The following IMMP2L variants were observed in gnomAD, a reference collection of about 807,000 sequenced individuals.
The protein encoded by IMMP2L is inner mitochondrial membrane peptidase subunit 2.
A neutral mutation model predicts 19.3 loss-of-function variants in IMMP2L; 18 were observed. The ratio of observed to expected loss-of-function variants is 0.93; its 90% CI spans 0.64 to 1.38. IMMP2L has a LOEUF of 1.38. IMMP2L is among the 40% of genes most tolerant of loss of function. IMMP2L has a pLI of 0.00. For synonymous variants in IMMP2L, 76 were observed against 73.0 expected, an observed-to-expected ratio of 1.04 and a Z score of -0.21; for missense variants, 233 against 218.2, an observed-to-expected ratio of 1.07 and a Z score of -0.43.
intron 3 of IMMP2L, among the ~76,000 whole-genome samples, chr7:111,387,491 T>C (rs1043684475): frequency 1.3e-5 from 2 of 152,146 alleles, no homozygotes; most frequent in African/African-American, 4.8e-5. Flanking sequence ...CTTATCAAGC[T>C]GCCAAAAAAT....
In IMMP2L at chr7:110,995,601, C is replaced by A. The variant is rs914458896; in HGVS notation, c.240-32036G>T. ...AACAGTTGTTAAAATGTTTGGTACA[C>A]AGACTTTGTATTTCAGTTCTTTCTG... On this transcript the variant is annotated intron_variant, in intron 3 of 5. Coordinates refer to ENST00000405709, the MANE Select transcript of IMMP2L (RefSeq NM_032549.4). Among the ~76,000 whole-genome samples the A allele has an allele frequency of 1.4e-4, 21 of 152,114 alleles. 1 individual carries two copies. The highest frequency in any genetic ancestry group is 5.1e-4 in the African/African-American group (21 of 41,438).
chr7:111,402,603 C>G (rs1833525785), intron 3 of IMMP2L, among the ~76,000 whole-genome samples: 1 of 151,800 alleles, frequency 6.6e-6, no homozygotes, highest in Admixed American at 6.6e-5. Flanking sequence ...CCCAGCTACT[C>G]GAGAGGCTAA....
intron 3 of IMMP2L, among the ~76,000 whole-genome samples, chr7:111,345,769 C>A (rs1323385854): frequency 1.3e-5 from 2 of 152,114 alleles, no homozygotes; most frequent in Non-Finnish European, 2.9e-5. Context: ...ATCAGGCCTC[C>A]ACCAAAATAG....
At chr7:110,821,848 A>C (rs954817326) in intron 5 of IMMP2L, among the ~76,000 whole-genome samples, 1 of 152,100 alleles carries the variant, frequency 6.6e-6, no homozygotes, top group Non-Finnish European at 1.5e-5. Context: ...GCTTGAACCC[A>C]GTAGGTGGAG....
intron 3 of IMMP2L, among the ~76,000 whole-genome samples, chr7:111,242,523 T>A (rs879058984): frequency 6.6e-6 from 1 of 151,964 alleles, no homozygotes; most frequent in Admixed American, 6.6e-5. Flanking sequence ...GGGAAAAAAA[T>A]CCAATGAGCT....
At chr7:111,528,493 G>A (rs551905858) in intron 1 of IMMP2L, among the ~76,000 whole-genome samples, 1 of 152,138 alleles carries the variant, frequency 6.6e-6, no homozygotes, top group African/African-American at 2.4e-5. Flanking sequence ...TCAGAATCAA[G>A]TGAAACCATA....
rs186902546 is a variant in IMMP2L at position 111,164,619 on chromosome 7, G to A, written c.240-201054C>T. Among the ~76,000 whole-genome samples, 8 of 152,142 alleles carry A rather than the reference G, an allele frequency of 5.3e-5. No individual in the cohort carries two copies. In the East Asian group the frequency reaches 9.7e-4, roughly 18 times the overall value. On this transcript the variant is annotated intron_variant, in intron 3 of 5. Coordinates refer to ENST00000405709, the MANE Select transcript of IMMP2L (RefSeq NM_032549.4). ...CAACAGTACACAGTGACCTAATAAC[G>A]CTGAGGCCCAGAAAACTGGATCCAG...
At chr7:110,999,075 G>C (rs2129560853) in intron 3 of IMMP2L, among the ~76,000 whole-genome samples, 1 of 152,186 alleles carries the variant, frequency 6.6e-6, no homozygotes, top group African/African-American at 2.4e-5. Context: ...CAAAAACAAT[G>C]CTCCATCTTT....
At chr7:110,854,550 A>T (rs1005472592) in intron 5 of IMMP2L, among the ~76,000 whole-genome samples, 1 of 152,000 alleles carries the variant, frequency 6.6e-6, no homozygotes, top group African/African-American at 2.4e-5. Flanking sequence ...AACATTACTG[A>T]ATAACTCCAT....
chr7:110,794,649 A>G (rs1800738441), intron 5 of IMMP2L, among the ~76,000 whole-genome samples: 2 of 152,196 alleles, frequency 1.3e-5, no homozygotes, highest in East Asian at 1.9e-4. Context: ...TAGGGATTCT[A>G]CCACAGTATA....
Position 111,123,370 on chromosome 7 carries a change from A to G in IMMP2L, c.240-159805T>C. 6.2e-7 allele frequency: 1 copy of G among 1,613,858 alleles called. No individual in the cohort carries two copies. The highest frequency in any genetic ancestry group is 8.5e-7 in the Non-Finnish European group (1 of 1,179,920). ...GATTCTGATGATTGGGGAAAATCCA[A>G]TTATCAGAATCAAAGACATGAACTT... is the stretch of plus-strand genomic sequence containing the variant. On this transcript the variant is annotated intron_variant, in intron 3 of 5. Coordinates refer to ENST00000405709, the MANE Select transcript of IMMP2L (RefSeq NM_032549.4). The surrounding 1 kb of genome is among the most constrained non-coding windows in gnomAD (Gnocchi z 6.4).
At chr7:111,431,955 A>C (rs112125970) in intron 3 of IMMP2L, among the ~76,000 whole-genome samples, 3,231 of 151,928 alleles carry the variant, frequency 0.021, 203 homozygotes, top group African/African-American at 0.074. Context: ...ATTCTTTGGA[A>C]AACAAAAAGT....
chr7:111,313,545 C>T (rs1009928157), intron 3 of IMMP2L, among the ~76,000 whole-genome samples: 2 of 152,134 alleles, frequency 1.3e-5, no homozygotes, highest in Non-Finnish European at 2.9e-5. Flanking sequence ...CCAAATACTA[C>T]ACAAGCACTC....
chr7:110,971,238 T>C lies in IMMP2L; in HGVS notation c.240-7673A>G, dbSNP rs74708966. Among the ~76,000 whole-genome samples the C allele has an allele frequency of 4.3e-3, 652 of 152,218 alleles. 4 individuals carry two copies. The highest frequency in any genetic ancestry group is 0.015 in the African/African-American group (628 of 41,560). On this transcript the variant is annotated intron_variant, in intron 3 of 5. Transcript: ENST00000405709. ...CGCCAGTTTGCCATGATATCAGTGA[T>C]ATTGTAGGGTATGAGATGCCAAGCT...
intron 4 of IMMP2L, among the ~76,000 whole-genome samples, chr7:110,889,282 T>G (rs1810541004): frequency 6.6e-6 from 1 of 152,192 alleles, no homozygotes; most frequent in Non-Finnish European, 1.5e-5. Context: ...TAATATATAA[T>G]GAATCAATTA....
chr7:111,426,889 T>C (rs1224273584), intron 3 of IMMP2L, among the ~76,000 whole-genome samples: 1 of 151,210 alleles, frequency 6.6e-6, no homozygotes. Flanking sequence ...TAAAAAATAT[T>C]TACCCATATA....
intron 4 of IMMP2L, among the ~76,000 whole-genome samples, chr7:110,929,582 T>C (rs1382040244): frequency 6.6e-6 from 1 of 152,200 alleles, no homozygotes; most frequent in Non-Finnish European, 1.5e-5. Context: ...TTGCAGATAA[T>C]GTGCTTCACT....
chr7:111,122,502 A>G (rs922816440), intron 3 of IMMP2L: 1 of 358,300 alleles, frequency 2.8e-6, no homozygotes, highest in African/African-American at 2.1e-5. Flanking sequence ...ATCTCCTATG[A>G]CCATCTATAC....
intron 5 of IMMP2L, among the ~76,000 whole-genome samples, chr7:110,702,479 C>G (rs2396266): frequency 0.86 from 131,395 of 152,088 alleles, 56,920 homozygotes; most frequent in Non-Finnish European, 0.89. Context: ...TTAGTGCCTG[C>G]AATTACACTG....
Sources: gnomAD v4.1 joint callset for allele counts (sites outside exome capture counted in the v4.1 genomes callset) on GRCh38, gnomAD v4.1.1 for gene constraint, Gnocchi (gnomAD v3.1) non-coding constraint, MANE v1.5 for transcripts, NCBI Gene and HGNC (gene_info 2026-07-23, HGNC 2026-07-21) for gene names.